Variants in SLIT3 observed in about 807,000 individuals in gnomAD.
SLIT3 encodes slit homolog 3 protein.
Under a neutral mutation model 184.0 loss-of-function variants are expected in SLIT3, and 68 were observed. The observed-to-expected ratio is 0.37, with a 90% confidence interval of 0.30 to 0.45. The LOEUF is 0.45. Ranked by LOEUF, SLIT3 falls within the 20% of genes least tolerant of loss-of-function variation. The probability of loss-of-function intolerance (pLI) is 1.00; values close to 1 mark genes in which losing one functional copy is unlikely to be tolerated. For missense variants in SLIT3, 1,707 were observed against 2,026.0 expected (o/e 0.84, Z 3.02); for synonymous variants, 831 against 828.6 (o/e 1.00, Z -0.05).
chr5:169,099,699 C>T (rs928476444), intron 4 of SLIT3, among the ~76,000 whole-genome samples: 2 of 152,202 alleles, frequency 1.3e-5, no homozygotes, highest in African/African-American at 2.4e-5. Context: ...TATCCTGACA[C>T]AGAATGCCGG....
chr5:169,174,306 G>A (rs1450530589), intron 4 of SLIT3, among the ~76,000 whole-genome samples: 2 of 152,130 alleles, frequency 1.3e-5, no homozygotes, highest in Non-Finnish European at 2.9e-5. Flanking sequence ...TTCCTCTAGG[G>A]TGGAAGTAGT....
chr5:169,179,009 G>A (rs1441884614), intron 4 of SLIT3, among the ~76,000 whole-genome samples: 2 of 152,346 alleles, frequency 1.3e-5, no homozygotes, highest in Non-Finnish European at 2.9e-5. Flanking sequence ...GGGGCAGGAT[G>A]TAGGAGAAGA....
At chr5:168,785,613 A>G (rs1474188549) in intron 12 of SLIT3, among the ~76,000 whole-genome samples, 1 of 151,762 alleles carries the variant, frequency 6.6e-6, no homozygotes, top group East Asian at 1.9e-4. Flanking sequence ...GTTGGATTTG[A>G]CTCTTTCCTA....
chr5:169,201,964 T>G (rs297854), intron 3 of SLIT3, among the ~76,000 whole-genome samples: 84,361 of 152,142 alleles, frequency 0.55, 23,785 homozygotes, highest in East Asian at 0.69. Context: ...AGGTGCAGTG[T>G]CTCATGCCTA....
chr5:169,035,604 G>T (rs1388426028), intron 4 of SLIT3, among the ~76,000 whole-genome samples: 1 of 144,638 alleles, frequency 6.9e-6, no homozygotes, highest in African/African-American at 2.6e-5. Flanking sequence ...AGCCAAGATC[G>T]CACCACTGCA....
At chr5:168,894,489 G>A (rs1381471651) in intron 4 of SLIT3, among the ~76,000 whole-genome samples, 4 of 152,328 alleles carry the variant, frequency 2.6e-5, no homozygotes, top group South Asian at 4.1e-4. Flanking sequence ...ATTACAAAGA[G>A]CTCTGGCTGT....
chr5:169,147,955 A>G (rs1400555346), intron 4 of SLIT3, among the ~76,000 whole-genome samples: 1 of 152,158 alleles, frequency 6.6e-6, no homozygotes, highest in African/African-American at 2.4e-5. Flanking sequence ...GCCTGAAGCC[A>G]AAAAGGAAGC....
At chr5:169,269,398 A>C (rs1253609665) in intron 1 of SLIT3, among the ~76,000 whole-genome samples, 1 of 152,192 alleles carries the variant, frequency 6.6e-6, no homozygotes, top group Admixed American at 6.5e-5. Flanking sequence ...CTTTACTGAC[A>C]TGAGAGGCCT....
intron 12 of SLIT3, among the ~76,000 whole-genome samples, chr5:168,783,192 G>A (rs1050796131): frequency 1.1e-4 from 17 of 152,150 alleles, no homozygotes; most frequent in Non-Finnish European, 2.4e-4. Context: ...GGGGTAACTT[G>A]TGAGGCTCCA....
chr5:169,226,457 G>A (rs757360844), intron 3 of SLIT3, among the ~76,000 whole-genome samples: 2 of 152,140 alleles, frequency 1.3e-5, no homozygotes, highest in Admixed American at 1.3e-4. Context: ...AACACACTAA[G>A]AGGGGCCTGA....
At chr5:168,727,819 C>T (rs1023181329) in intron 20 of SLIT3, among the ~76,000 whole-genome samples, 6 of 152,146 alleles carry the variant, frequency 3.9e-5, no homozygotes, top group African/African-American at 1.4e-4. Flanking sequence ...GGCAGGGAGG[C>T]TCTGCTCTGT....
intron 4 of SLIT3, among the ~76,000 whole-genome samples, chr5:169,181,722 CAG>C (rs1204099325): frequency 7.2e-6 from 1 of 139,228 alleles, no homozygotes; most frequent in African/African-American, 2.8e-5. Context: ...AGCCTGGCGA[CAG>C]AGCGAGACTT....
intron 1 of SLIT3, among the ~76,000 whole-genome samples, chr5:169,290,163 G>T (rs12516426): frequency 0.081 from 12,358 of 151,930 alleles, 626 homozygotes; most frequent in East Asian, 0.28. Context: ...ATATGCTAGG[G>T]CACATGCTAG....
intron 5 of SLIT3, among the ~76,000 whole-genome samples, chr5:168,855,835 C>T (rs1415793413): frequency 2.6e-5 from 4 of 152,128 alleles, no homozygotes; most frequent in Non-Finnish European, 5.9e-5. Flanking sequence ...CCTAAACTGA[C>T]ATTTTTTCCC....
At chr5:168,802,512 GT>G (rs1341359833) in intron 9 of SLIT3, among the ~76,000 whole-genome samples, 1 of 152,202 alleles carries the variant, frequency 6.6e-6, no homozygotes, top group Non-Finnish European at 1.5e-5. Context: ...CTGGTAGACC[GT>G]GGGTGCCCAA....
chr5:169,115,860 C>T (rs1169041708), intron 4 of SLIT3, among the ~76,000 whole-genome samples: 1 of 152,220 alleles, frequency 6.6e-6, no homozygotes, highest in Non-Finnish European at 1.5e-5. Context: ...GTGCTCCTGA[C>T]AGCCATGGAA....
chr5:169,058,542 C>T (rs1758082333), intron 4 of SLIT3, among the ~76,000 whole-genome samples: 1 of 152,140 alleles, frequency 6.6e-6, no homozygotes, highest in Non-Finnish European at 1.5e-5. Flanking sequence ...TCAGAGAAAG[C>T]TTGTTGTGTT....
intron 5 of SLIT3, among the ~76,000 whole-genome samples, chr5:168,870,665 A>G (rs929712926): frequency 6.6e-6 from 1 of 152,260 alleles, no homozygotes; most frequent in African/African-American, 2.4e-5. Context: ...ACTCTGTGAT[A>G]TGAGTAGACC....
At chr5:168,842,107 T>C (rs1466458947) in intron 6 of SLIT3, among the ~76,000 whole-genome samples, 1 of 152,150 alleles carries the variant, frequency 6.6e-6, no homozygotes, top group Non-Finnish European at 1.5e-5. Context: ...GGATGAGATT[T>C]GGAAGGTCTA....
Sources: allele counts gnomAD v4.1 joint callset (sites outside exome capture counted in the v4.1 genomes callset), GRCh38; gene constraint gnomAD v4.1.1; transcripts MANE v1.5; gene names NCBI Gene and HGNC (gene_info 2026-07-23, HGNC 2026-07-21).